The following CDH13 variants were observed in gnomAD, a reference collection of about 807,000 sequenced individuals.
CDH13 encodes the protein cadherin-13.
CDH13 carries 24 observed loss-of-function variants against 63.8 expected under a neutral mutation model. The observed-to-expected ratio is 0.38, with a 90% CI of 0.27 to 0.53. CDH13 has a LOEUF of 0.53. CDH13 is among the 20% of genes least tolerant of loss of function. The probability of loss-of-function intolerance (pLI) is 0.85; values close to 1 mark genes in which losing one functional copy is unlikely to be tolerated. For missense variants in CDH13, 1,049 were observed against 903.1 expected, an observed-to-expected ratio of 1.16 and a Z score of -2.07; for synonymous variants, 503 against 355.3, an observed-to-expected ratio of 1.42 and a Z score of -4.67.
chr16:83,391,285 A>G (rs1196594723), intron 6 of CDH13, among the ~76,000 whole-genome samples: 1 of 151,514 alleles, frequency 6.6e-6, no homozygotes, highest in Non-Finnish European at 1.5e-5. Context: ...GGCTTACTGC[A>G]ACCTCTGCCT....
chr16:83,502,014 T>C (rs2074294552), intron 7 of CDH13, among the ~76,000 whole-genome samples: 2 of 152,166 alleles, frequency 1.3e-5, no homozygotes, highest in Admixed American at 1.3e-4. Context: ...TTGTGTGGCC[T>C]TGGGCAAGTC....
intron 4 of CDH13, among the ~76,000 whole-genome samples, chr16:83,181,929 C>T (rs184264267): frequency 6.6e-6 from 1 of 152,290 alleles, no homozygotes; most frequent in East Asian, 1.9e-4. Flanking sequence ...GCGTCGGGCA[C>T]AGAGACCCTG....
intron 1 of CDH13, chr16:82,824,432 G>T (rs1450594035): frequency 6.6e-6 from 1 of 152,094 alleles, no homozygotes; most frequent in Non-Finnish European, 1.5e-5. Context: ...GGCAGAATTA[G>T]AATATAATGA....
At chr16:82,979,104 G>C (rs1309291755) in intron 2 of CDH13, among the ~76,000 whole-genome samples, 1 of 152,234 alleles carries the variant, frequency 6.6e-6, no homozygotes, top group Non-Finnish European at 1.5e-5. Context: ...TTCTAGACTT[G>C]CATGGGGCCT....
intron 9 of CDH13, among the ~76,000 whole-genome samples, chr16:83,677,110 C>T (rs748960181): frequency 6.6e-5 from 10 of 152,322 alleles, no homozygotes; most frequent in African/African-American, 2.2e-4. Flanking sequence ...AGTATGCCCT[C>T]ATCTTACCTA....
At position 82,760,517 on chromosome 16, in the gene CDH13, G is replaced by C. The variant is rs1346035442; in HGVS notation, c.46-97845G>C. Among the ~76,000 whole-genome samples the C allele has an allele frequency of 2.0e-5, 3 of 152,076 alleles. No homozygotes were observed. In the South Asian group the frequency reaches 6.2e-4, roughly 32 times the overall value. On this transcript the variant is annotated intron_variant, in intron 1 of 13. Coordinates refer to ENST00000567109, the MANE Select transcript of CDH13 (RefSeq NM_001257.5). ...CTTACTTTAGGAGATTCATAGTTTG[G>C]ACCCTGTTTACAAAAATGTACCAGT... is the stretch of plus-strand genomic sequence containing the variant.
chr16:82,846,198 G>A (rs1361559601), intron 1 of CDH13, among the ~76,000 whole-genome samples: 1 of 152,182 alleles, frequency 6.6e-6, no homozygotes, highest in Non-Finnish European at 1.5e-5. Flanking sequence ...GTTGTCATGT[G>A]AAAAGTTTCA....
At chr16:83,001,701 C>T (rs1448341520) in intron 2 of CDH13, among the ~76,000 whole-genome samples, 1 of 152,232 alleles carries the variant, frequency 6.6e-6, no homozygotes, top group Non-Finnish European at 1.5e-5. Flanking sequence ...TGACCATTTA[C>T]ACCTACGGAT....
At chr16:83,515,259 C>G (rs1468776712) in intron 7 of CDH13, among the ~76,000 whole-genome samples, 1 of 152,182 alleles carries the variant, frequency 6.6e-6, no homozygotes, top group African/African-American at 2.4e-5. Flanking sequence ...CCCTGAGCCT[C>G]TTTGATTAGA....
intron 5 of CDH13, among the ~76,000 whole-genome samples, chr16:83,265,807 G>A (rs532107313): frequency 1.1e-4 from 15 of 131,106 alleles, no homozygotes; most frequent in Non-Finnish European, 1.5e-4. Flanking sequence ...CTTTGCTGCC[G>A]TTGTCCTCTG....
intron 4 of CDH13, among the ~76,000 whole-genome samples, chr16:83,138,207 G>A (rs2036381090): frequency 6.6e-6 from 1 of 152,142 alleles, no homozygotes; most frequent in South Asian, 2.1e-4. Context: ...ACTCTCCCTA[G>A]GCTGAAAATT....
chr16:83,374,589 C>T (rs186274857), intron 6 of CDH13, among the ~76,000 whole-genome samples: 9 of 152,328 alleles, frequency 5.9e-5, no homozygotes, highest in Admixed American at 2.6e-4. Context: ...AGTTGGAACT[C>T]GTACCCACTT....
intron 1 of CDH13, among the ~76,000 whole-genome samples, chr16:82,713,854 CAG>C (rs747527058): frequency 2.1e-5 from 3 of 144,892 alleles, no homozygotes; most frequent in Non-Finnish European, 3.0e-5. Context: ...TTCCCTTTAA[CAG>C]GGCTATTGTA....
At chr16:82,951,257 C>T (rs1905261710) in intron 2 of CDH13, among the ~76,000 whole-genome samples, 1 of 152,236 alleles carries the variant, frequency 6.6e-6, no homozygotes, top group African/African-American at 2.4e-5. Flanking sequence ...ATCCCTCACC[C>T]CATCCCAATC....
intron 4 of CDH13, among the ~76,000 whole-genome samples, chr16:83,156,108 C>T (rs1372529700): frequency 6.6e-6 from 1 of 152,122 alleles, no homozygotes; most frequent in Non-Finnish European, 1.5e-5. Context: ...CTAGGGGAAC[C>T]CCAGTACTAA....
intron 3 of CDH13, among the ~76,000 whole-genome samples, chr16:83,053,313 A>G (rs72796209): frequency 0.038 from 5,814 of 152,260 alleles, 192 homozygotes; most frequent in African/African-American, 0.086. Context: ...GGGAGGTGTC[A>G]CTAGGACTCT....
chr16:83,521,884 A>G (rs1296884415), intron 7 of CDH13, among the ~76,000 whole-genome samples: 2 of 152,240 alleles, frequency 1.3e-5, no homozygotes, highest in East Asian at 1.9e-4. Context: ...TACAGGGCAA[A>G]TCATCCTACT....
chr16:83,738,574 C>A (rs766732809), intron 10 of CDH13, among the ~76,000 whole-genome samples: 5 of 152,150 alleles, frequency 3.3e-5, no homozygotes, highest in African/African-American at 1.2e-4. Flanking sequence ...TCTTGTGATT[C>A]CAGCTTCCTT....
chr16:83,202,291 A>G (rs1285811359), intron 4 of CDH13, among the ~76,000 whole-genome samples: 1 of 152,174 alleles, frequency 6.6e-6, no homozygotes, highest in Non-Finnish European at 1.5e-5. Flanking sequence ...AACGGCTGCA[A>G]AATAGGATGA....
Sources: allele counts gnomAD v4.1 joint callset (sites outside exome capture counted in the v4.1 genomes callset), GRCh38; gene constraint gnomAD v4.1.1; transcripts MANE v1.5; gene names NCBI Gene and HGNC (gene_info 2026-07-23, HGNC 2026-07-21).